RNF44: variants seen among roughly 807,000 people sequenced by gnomAD.
The protein encoded by RNF44 is ring finger protein 44.
RNF44 carries 25 observed loss-of-function variants against 53.6 expected under a neutral mutation model. The observed-to-expected ratio is 0.47, with a 90% CI of 0.34 to 0.65. The LOEUF (loss-of-function observed/expected upper bound fraction) is 0.65, where lower values mean the gene tolerates loss of function less well. Among genes scored for constraint, RNF44 ranks in the 30% least tolerant of loss-of-function variants. RNF44 has a pLI of 0.01. For missense variants in RNF44, 581 were observed against 595.5 expected (o/e 0.98, Z 0.25); for synonymous variants, 282 against 252.2 (o/e 1.12, Z -1.12).
chr5:176,529,561 G>A lies in RNF44; in HGVS notation c.1098C>T (p.Tyr366=), dbSNP rs1756365655. 3.7e-6 allele frequency: 6 copies of A among 1,613,958 alleles called. No homozygotes were observed. In the African/African-American group the frequency reaches 4.0e-5, roughly 11 times the overall value. Residue 366 remains tyrosine, a synonymous_variant, in exon 9 of 11, where the codon TAC becomes TAT. Transcript: ENST00000274811. ...TKADIEQLPS[Y]RFNPDSHQSE... is the part of the protein sequence containing the mutation. ...ACTGATGGCTGTCCGGGTTAAAGCG[G>A]TACGACGGGAGCTGCTCTATGTCTG...
chr5:176,529,657 A>G lies in RNF44; in HGVS notation c.1015-13T>C, dbSNP rs1451196022. On this transcript the variant is annotated splice_polypyrimidine_tract_variant and intron_variant, in intron 8 of 10. Transcript: ENST00000274811. ...GGTTCAGGAGGGCCTGCATGCGGGC[A>G]GGAGACGGGGTCAGCGGCGCCCAGG... 2 of 1,613,614 alleles carry G rather than the reference A, an allele frequency of 1.2e-6. No individual in the cohort carries two copies. Among genetic ancestry groups the G allele is most frequent in the East Asian group, 4.5e-5 (2 of 44,850 alleles).
upstream of RNF44, chr5:176,537,655 C>T (rs1032151645): frequency 2.0e-5 from 3 of 152,262 alleles, no homozygotes; most frequent in Non-Finnish European, 4.4e-5. Context: ...AACTCGCTAA[C>T]TACTCGCGCC....
rs1756598077 is a variant in RNF44 at position 176,530,916 on chromosome 5, G to C, written c.571C>G (p.Pro191Ala). ...YILHPPPPAP[P>A]PQPTHMAPLG... ...GGCGCCATGTGGGTGGGCTGGGGGG[G>C]TGGGGCCGGTGGTGGGGGGTGCAGG... is the stretch of plus-strand genomic sequence containing the variant. Residue 191 changes from proline (P) to alanine (A), a missense_variant, in exon 5 of 11, where the codon CCC (proline) becomes GCC (alanine). Coordinates refer to ENST00000274811, the MANE Select transcript of RNF44 (RefSeq NM_014901.5). 1.5e-6 allele frequency: 2 copies of C among 1,342,782 alleles called. No individual in the cohort carries two copies. The highest frequency in any genetic ancestry group is 1.5e-5 in the African/African-American group (1 of 65,538). 83.2% of individuals were successfully genotyped at this position (1,342,782 alleles called of 1,614,324 possible). A position where few individuals can be genotyped will look rare whatever the true frequency, so the allele number is the denominator to read the frequency against.
the RNF44 span, among the ~76,000 whole-genome samples, chr5:176,543,099 C>T: frequency 6.6e-6 from 1 of 151,502 alleles, no homozygotes; most frequent in Non-Finnish European, 1.5e-5. This position sits in a 1 kb window ranked among gnomAD's most constrained non-coding sequence, Gnocchi z 4.0. Context: ...GCTCCCGCTG[C>T]CGGGCCCGGG....
chr5:176,536,072 G>C (rs1353147785), intron 1 of RNF44: 1 of 152,236 alleles, frequency 6.6e-6, no homozygotes, highest in East Asian at 1.9e-4. Context: ...AACAAAGTCA[G>C]ACCCTGGGGG....
rs143517757 is a variant in RNF44 at position 176,530,732 on chromosome 5, C to T, written c.651G>A (p.Arg217=). 449 of 1,542,552 alleles carry T rather than the reference C, an allele frequency of 2.9e-4. 2 individuals are homozygous for T. Among genetic ancestry groups the T allele is most frequent in the South Asian group, 2.2e-3 (182 of 81,980 alleles). Residue 217 remains arginine (R), a synonymous_variant, in exon 6 of 11, where the codon CGG becomes CGA. Transcript: ENST00000274811. The part of the protein sequence containing the change: ...QTQHPRMPLQ[R]LDNDVDLRGD... Reference sequence around the variant, plus strand: ...CACGCAGGTCCACGTCGTTGTCGAGCCGCTGGAGGGGCTGGAAGAACCAGC... The same window carrying T: ...CACGCAGGTCCACGTCGTTGTCGAGTCGCTGGAGGGGCTGGAAGAACCAGC...
chr5:176,542,026 T>G (rs576184755), upstream of RNF44, among the ~76,000 whole-genome samples: 25 of 152,060 alleles, frequency 1.6e-4, no homozygotes, highest in African/African-American at 5.8e-4. Flanking sequence ...CTGGCTCCCT[T>G]AAGTGGCTGT....
At position 176,531,563 on chromosome 5, in the gene RNF44, G is replaced by C; in HGVS notation, c.365C>G (p.Pro122Arg). Residue 122 changes from proline (P) to arginine (R), a missense_variant, in exon 4 of 11, where the codon CCT becomes CGT. Physicochemically the swap from Pro to Arg is moderately radical, Grantham distance 103. Around this residue, in one of 3 missense-constraint regions of RNF44, gnomAD observed 387 missense variants for 366.0 expected, o/e 1.06. Transcript: ENST00000274811. This position sits in a 1 kb window ranked among gnomAD's most constrained non-coding sequence, Gnocchi z 4.2. ...GCAGCCAGGGATGTGCTGGCCTGTA[G>C]GCAAGGGGAAGCCTTGGGTCGTCAC... ...TTVTTQGFPL[P>R]TGQHIPGCSA... 1.2e-6 allele frequency: 2 copies of C among 1,613,368 alleles called. No individual in the cohort carries two copies. The highest frequency in any genetic ancestry group is 1.7e-6 in the Non-Finnish European group (2 of 1,179,802).
At chr5:176,543,157 A>G in the RNF44 span, among the ~76,000 whole-genome samples, 1 of 149,320 alleles carries the variant, frequency 6.7e-6, no homozygotes, top group East Asian at 2.0e-4. The surrounding 1 kb of genome is among the most constrained non-coding windows in gnomAD (Gnocchi z 4.0). Context: ...TGGCGGGAAG[A>G]CCCCGCGTGC....
chr5:176,534,179 G>A (rs566478310), intron 1 of RNF44, among the ~76,000 whole-genome samples: 2 of 152,374 alleles, frequency 1.3e-5, no homozygotes, highest in South Asian at 4.1e-4. Context: ...CCTGATGTGA[G>A]AAATGTGCAC....
At chr5:176,538,733 G>A (rs1757371754), upstream of RNF44, among the ~76,000 whole-genome samples, 1 of 152,120 alleles carries the variant, frequency 6.6e-6, no homozygotes, top group Non-Finnish European at 1.5e-5. Flanking sequence ...ATGCTGCTTT[G>A]GTATATTTCG....
intron 1 of RNF44, among the ~76,000 whole-genome samples, chr5:176,535,110 C>T (rs999502137): frequency 2.0e-5 from 3 of 152,198 alleles, no homozygotes; most frequent in African/African-American, 7.2e-5. Flanking sequence ...AGAATGTCAG[C>T]CCTCACAGAC....
chr5:176,530,498 C>T, intron 6 of RNF44, 84 bp downstream of exon 6: 2 of 1,315,400 alleles, frequency 1.5e-6, no homozygotes, highest in Non-Finnish European at 2.0e-6. Context: ...CTCCCAGCTG[C>T]CTGGGAGCCC....
At chr5:176,542,141 A>G (rs1306734862), upstream of RNF44, among the ~76,000 whole-genome samples, 2 of 152,104 alleles carry the variant, frequency 1.3e-5, no homozygotes, top group Admixed American at 1.3e-4. Flanking sequence ...GGTGAGTTCT[A>G]TGGCTCCTCT....
chr5:176,539,302 A>G (rs892627246), upstream of RNF44, among the ~76,000 whole-genome samples: 6 of 152,226 alleles, frequency 3.9e-5, no homozygotes, highest in African/African-American at 1.4e-4. Flanking sequence ...ATACAAGGTT[A>G]TGTCTTTACC....
upstream of RNF44, among the ~76,000 whole-genome samples, chr5:176,540,224 C>T (rs1757417908): frequency 6.6e-6 from 1 of 152,144 alleles, no homozygotes; most frequent in Non-Finnish European, 1.5e-5. Flanking sequence ...AGACGTCCAG[C>T]CTTCACTGGC....
rs1195414496 is a variant in RNF44 at position 176,530,216 on chromosome 5, G to A, written c.802-10C>T. 1 of 1,318,272 alleles carries A rather than the reference G, an allele frequency of 7.6e-7. No individual in the cohort carries two copies. The highest frequency in any genetic ancestry group is 9.7e-7 in the Non-Finnish European group (1 of 1,031,708). The allele number at this position is 1,318,272 out of a possible 1,614,324, so 81.7% of individuals were successfully genotyped here. On this transcript the variant is annotated splice_polypyrimidine_tract_variant and intron_variant, in intron 6 of 10. Coordinates refer to ENST00000274811, the MANE Select transcript of RNF44 (RefSeq NM_014901.5). The stretch of plus-strand genomic sequence containing the variant: ...TCATGTGAGAATATGGCTGCAAGAG[G>A]GGCCAGGTGCAGGTCAGCCCAGCAG...
At position 176,529,554 on chromosome 5, in the gene RNF44, T is replaced by C; in HGVS notation, c.1105A>G (p.Asn369Asp). 1.9e-6 allele frequency: 3 copies of C among 1,613,990 alleles called. No homozygotes were observed. The highest frequency in any genetic ancestry group is 2.5e-6 in the Non-Finnish European group (3 of 1,180,016). ...TGCTCCGACTGATGGCTGTCCGGGTTAAAGCGGTACGACGGGAGCTGCTCT... is the reference window on the plus strand; with the variant it reads ...TGCTCCGACTGATGGCTGTCCGGGTCAAAGCGGTACGACGGGAGCTGCTCT... ...DIEQLPSYRF[N>D]PDSHQSEQTL... The change falls in exon 9 of 11, where the codon AAC (asparagine) becomes GAC (aspartate). Residue 369 changes from asparagine to aspartate, a missense_variant. Transcript: ENST00000274811.
Position 176,531,450 on chromosome 5 carries a change from A to G in RNF44, c.465+13T>C. The G allele has an allele frequency of 6.5e-7, 1 of 1,548,610 alleles. No individual in the cohort carries two copies. Among genetic ancestry groups the G allele is most frequent in the Non-Finnish European group, 8.7e-7 (1 of 1,146,622 alleles). On this transcript the variant is annotated intron_variant, in intron 4 of 10. Coordinates refer to ENST00000274811, the MANE Select transcript of RNF44 (RefSeq NM_014901.5). This position sits in a 1 kb window ranked among gnomAD's most constrained non-coding sequence, Gnocchi z 4.2. ...TGCAGCTGGTGGAGGAGGAGCTAGA[A>G]ACACTCACTCACCGGGGGCGGGAGG...
Sources: allele counts gnomAD v4.1 joint callset (sites outside exome capture counted in the v4.1 genomes callset), GRCh38; gene constraint gnomAD v4.1.1; regional missense constraint gnomAD v4.1.1; non-coding constraint Gnocchi (gnomAD v3.1); transcripts MANE v1.5; gene names NCBI Gene and HGNC (gene_info 2026-07-23, HGNC 2026-07-21).